The following RANBP17 variants were observed in gnomAD, a reference collection of about 807,000 sequenced individuals.
The protein encoded by RANBP17 is RAN binding protein 17, also known as ran-binding protein 17.
In RANBP17, 158 loss-of-function variants were observed where a neutral mutation model predicts 141.2. The observed-to-expected ratio is 1.12, with a 90% CI of 0.98 to 1.28. The LOEUF (loss-of-function observed/expected upper bound fraction) is 1.28. Ranked by LOEUF, RANBP17 falls within the 50% of genes most tolerant of loss-of-function variation. RANBP17 has a pLI of 0.00. For missense variants in RANBP17, 1,438 were observed against 1,290.7 expected (o/e 1.11, Z -1.75); for synonymous variants, 430 against 450.0 (o/e 0.96, Z 0.56).
chr5:171,037,576 T>C (rs1781963594), intron 14 of RANBP17, among the ~76,000 whole-genome samples: 1 of 152,136 alleles, frequency 6.6e-6, no homozygotes, highest in Non-Finnish European at 1.5e-5. Context: ...TTTGAGGTCT[T>C]ATATTAAAAT....
At chr5:171,180,962 C>T (rs1020579328) in intron 16 of RANBP17, among the ~76,000 whole-genome samples, 1 of 152,136 alleles carries the variant, frequency 6.6e-6, no homozygotes, top group Non-Finnish European at 1.5e-5. Context: ...TTCTTATTAC[C>T]CATAGACCCT....
At chr5:171,140,807 T>A (rs1757635130) in intron 14 of RANBP17, among the ~76,000 whole-genome samples, 1 of 152,204 alleles carries the variant, frequency 6.6e-6, no homozygotes, top group African/African-American at 2.4e-5. Flanking sequence ...CTGCTTTGTA[T>A]CCAAGGACCT....
At chr5:171,059,426 T>C (rs1783652104) in intron 14 of RANBP17, among the ~76,000 whole-genome samples, 1 of 152,220 alleles carries the variant, frequency 6.6e-6, no homozygotes, top group African/African-American at 2.4e-5. Flanking sequence ...AGGAAATCCT[T>C]TCCCCATTGC....
At chr5:171,071,713 A>T (rs532976259) in intron 14 of RANBP17, among the ~76,000 whole-genome samples, 1 of 151,666 alleles carries the variant, frequency 6.6e-6, no homozygotes, top group East Asian at 1.9e-4. Context: ...CAACTTGTAC[A>T]AAAATTAACT....
At chr5:171,232,975 A>G (rs916188515) in intron 22 of RANBP17, among the ~76,000 whole-genome samples, 2 of 152,192 alleles carry the variant, frequency 1.3e-5, no homozygotes, top group Admixed American at 1.3e-4. Context: ...CAAATGTGTA[A>G]TAAGAACAGC....
At chr5:170,974,960 C>T (rs1028565068) in intron 14 of RANBP17, among the ~76,000 whole-genome samples, 1 of 152,164 alleles carries the variant, frequency 6.6e-6, no homozygotes, top group South Asian at 2.1e-4. Flanking sequence ...GGCCCTTGCG[C>T]TCTGGGCCTG....
chr5:170,880,485 G>A (rs1214158263), intron 2 of RANBP17, among the ~76,000 whole-genome samples: 1 of 152,188 alleles, frequency 6.6e-6, no homozygotes, highest in Non-Finnish European at 1.5e-5. Context: ...ATGGCTGTGT[G>A]ATTGGCTAAC....
intron 16 of RANBP17, 134 bp from the exon 17 acceptor site, chr5:171,183,031 TTC>T (rs1760965991): frequency 1.8e-6 from 1 of 567,368 alleles, no homozygotes; most frequent in African/African-American, 1.9e-5. Flanking sequence ...GGAAAGACGT[TTC>T]TATAGGAATG....
At chr5:171,290,947 G>A (rs564083841) in intron 25 of RANBP17, among the ~76,000 whole-genome samples, 46 of 152,320 alleles carry the variant, frequency 3.0e-4, no homozygotes, top group African/African-American at 1.1e-3. Context: ...GCCCTTTGAA[G>A]TAGCTGTTAT....
chr5:171,126,190 T>A (rs1422614611), intron 14 of RANBP17, among the ~76,000 whole-genome samples: 1 of 152,146 alleles, frequency 6.6e-6, no homozygotes, highest in East Asian at 1.9e-4. Flanking sequence ...TACAAATACA[T>A]GCAGTGTAAA....
At position 171,210,998 on chromosome 5, in the gene RANBP17, C is replaced by T. The variant is rs143630728; in HGVS notation, c.2232-2633C>T. ...CCAGCCTGGCAACAGAACAAGACCC[C>T]GTCAAAAAAAAAAAAAAAAAAGGCT... is the stretch of plus-strand genomic sequence containing the variant. On this transcript the variant is annotated intron_variant, in intron 20 of 27. Transcript: ENST00000523189. 3.0e-3 allele frequency among the ~76,000 whole-genome samples: 391 copies of T among 128,870 alleles called. 12 individuals are homozygous for T. The East Asian group carries it at 0.073, about 24-fold the overall frequency. The allele number at this position is 128,870 out of a possible 152,430, so 84.5% of individuals were successfully genotyped here.
chr5:171,120,735 T>C (rs893433571), intron 14 of RANBP17, among the ~76,000 whole-genome samples: 16 of 152,250 alleles, frequency 1.1e-4, no homozygotes, highest in Admixed American at 7.2e-4. Context: ...AGTCTGTTAC[T>C]GGTGAATTAT....
chr5:171,046,104 T>C (rs1217128452), intron 14 of RANBP17, among the ~76,000 whole-genome samples: 1 of 152,132 alleles, frequency 6.6e-6, no homozygotes, highest in Non-Finnish European at 1.5e-5. Context: ...TTGAAGTAAA[T>C]ATAAATTATC....
chr5:171,183,149 T>G lies in RANBP17; in HGVS notation c.1866-18T>G. 7.6e-7 allele frequency: 1 copy of G among 1,320,092 alleles called. No individual in the cohort carries two copies. Among genetic ancestry groups the G allele is most frequent in the Non-Finnish European group, 1.1e-6 (1 of 915,188 alleles). The allele number at this position is 1,320,092 out of a possible 1,614,324, so 81.8% of individuals were successfully genotyped here. A position where few individuals can be genotyped will look rare whatever the true frequency, so the allele number is the denominator to read the frequency against. On this transcript the variant is annotated intron_variant, in intron 16 of 27. Transcript: ENST00000523189. ...GATATTACAAATATATTTCCTTAGA[T>G]TCCTTAACTTCTATTACTTATATCC...
chr5:171,100,613 G>A (rs1787083046), intron 14 of RANBP17, among the ~76,000 whole-genome samples: 1 of 152,102 alleles, frequency 6.6e-6, no homozygotes, highest in East Asian at 1.9e-4. Flanking sequence ...GTTCTGCTCT[G>A]ATCTTAGTTA....
chr5:171,059,605 C>T (rs1436861586), intron 14 of RANBP17, among the ~76,000 whole-genome samples: 9 of 152,108 alleles, frequency 5.9e-5, no homozygotes, highest in Non-Finnish European at 2.9e-5. Flanking sequence ...CGTGATGCCT[C>T]CAGCTTTGTT....
At chr5:171,043,903 T>TA (rs753119631) in intron 14 of RANBP17, among the ~76,000 whole-genome samples, 1 of 152,162 alleles carries the variant, frequency 6.6e-6, no homozygotes, top group Non-Finnish European at 1.5e-5. Context: ...ATGAAACTAT[T>TA]AGAGACAATC....
intron 14 of RANBP17, among the ~76,000 whole-genome samples, chr5:170,987,916 G>T (rs1778256665): frequency 6.6e-6 from 1 of 151,018 alleles, no homozygotes; most frequent in Non-Finnish European, 1.5e-5. Context: ...TTTTTAATAA[G>T]CTGACTTTTA....
chr5:170,911,455 A>T, intron 7 of RANBP17: 1 of 661,600 alleles, frequency 1.5e-6, no homozygotes, highest in Non-Finnish European at 2.8e-6. Flanking sequence ...ACAGGATCCC[A>T]CTCTGTTTAT....
Sources: gnomAD v4.1 joint callset for allele counts (sites outside exome capture counted in the v4.1 genomes callset) on GRCh38, gnomAD v4.1.1 for gene constraint, MANE v1.5 for transcripts, NCBI Gene and HGNC (gene_info 2026-07-23, HGNC 2026-07-21) for gene names.